The following FOXP1 variants were observed in gnomAD, a reference collection of about 807,000 sequenced individuals.
The protein encoded by FOXP1 is forkhead box protein P1.
In FOXP1, 15 loss-of-function variants were observed where a neutral mutation model predicts 98.2. That is an observed-to-expected ratio of 0.15 (90% CI 0.10 to 0.24). The LOEUF (loss-of-function observed/expected upper bound fraction) is 0.24. Ranked by LOEUF, FOXP1 falls within the 10% of genes least tolerant of loss-of-function variation. FOXP1 has a pLI of 1.00. For missense variants in FOXP1, 633 were observed against 848.5 expected, an observed-to-expected ratio of 0.75 and a Z score of 3.15; for synonymous variants, 371 against 314.5, an observed-to-expected ratio of 1.18 and a Z score of -1.90.
chr3:71,146,864 TGTGC>T lies in FOXP1; in HGVS notation c.181-34231_181-34228del, dbSNP rs1341766801. On this transcript the variant is annotated intron_variant, in intron 6 of 20. Transcript: ENST00000649528. ...GAGACTCCTCCTAGTCCCCAGGGGC[TGTGC>T]CCTCCTCCCGGCTCTGAGCACAGCG... Among the ~76,000 whole-genome samples, 8 of 152,332 alleles carry T rather than the reference TGTGC, an allele frequency of 5.3e-5. No homozygotes were observed. The South Asian group carries it at 1.5e-3, about 28-fold the overall frequency.
chr3:71,523,146 A>T (rs1284823384), intron 2 of FOXP1, among the ~76,000 whole-genome samples: 1 of 152,210 alleles, frequency 6.6e-6, no homozygotes, highest in Admixed American at 6.5e-5. Context: ...AGATGAAGGC[A>T]GAGATCGAGG....
intron 2 of FOXP1, chr3:71,542,223 A>G (rs2044899689): frequency 8.2e-6 from 3 of 367,930 alleles, no homozygotes; most frequent in Non-Finnish European, 1.6e-5. Flanking sequence ...ACCTGCAGGA[A>G]TATTTTCATT....
chr3:71,236,649 G>A (rs758916076), intron 5 of FOXP1, among the ~76,000 whole-genome samples: 1 of 152,106 alleles, frequency 6.6e-6, no homozygotes, highest in East Asian at 1.9e-4. Context: ...GCAGGAGGAC[G>A]GCTTGAGCCC....
intron 3 of FOXP1, among the ~76,000 whole-genome samples, chr3:71,417,478 G>C (rs570377020): frequency 6.6e-6 from 1 of 152,136 alleles, no homozygotes; most frequent in African/African-American, 2.4e-5. Flanking sequence ...CAGATGCTAA[G>C]GATGGCAGAG....
At chr3:70,978,566 G>A (rs772640538) in intron 14 of FOXP1, among the ~76,000 whole-genome samples, 1 of 152,114 alleles carries the variant, frequency 6.6e-6, no homozygotes, top group Non-Finnish European at 1.5e-5. Flanking sequence ...TAAATGGAAA[G>A]AGCCCCATGT....
chr3:71,303,648 T>C (rs1163920702), intron 4 of FOXP1, among the ~76,000 whole-genome samples: 2 of 152,212 alleles, frequency 1.3e-5, no homozygotes, highest in Non-Finnish European at 1.5e-5. Flanking sequence ...TCACTTTATT[T>C]TCTATAGTGA....
At chr3:70,974,724 CA>C (rs2037132409) in intron 17 of FOXP1, among the ~76,000 whole-genome samples, 1 of 152,204 alleles carries the variant, frequency 6.6e-6, no homozygotes, top group African/African-American at 2.4e-5. Context: ...GGGCATGACA[CA>C]TGTAAGAGAT....
rs115592998 is a variant in FOXP1 at position 71,566,237 on chromosome 3, A to T, written c.-298+15312T>A. On this transcript the variant is annotated intron_variant, in intron 2 of 20. Coordinates refer to ENST00000649528, the MANE Select transcript of FOXP1 (RefSeq NM_001349338.3). ...TGTGAGGTCCCTCTTCCCAACCTGC[A>T]AAGCAGCACAGCCAGTTTATTCTCC... Among the ~76,000 whole-genome samples the T allele has an allele frequency of 3.6e-3, 546 of 152,344 alleles. 6 individuals are homozygous for T. The highest frequency in any genetic ancestry group is 0.013 in the African/African-American group (521 of 41,572).
intron 2 of FOXP1, among the ~76,000 whole-genome samples, chr3:71,557,382 A>G (rs1299436194): frequency 6.6e-6 from 1 of 150,738 alleles, no homozygotes; most frequent in Non-Finnish European, 1.5e-5. Context: ...TATTTAAAAA[A>G]AGTAAAAAAA....
intron 12 of FOXP1, among the ~76,000 whole-genome samples, chr3:71,011,702 T>C (rs552803783): frequency 4.9e-4 from 75 of 152,262 alleles, no homozygotes; most frequent in Non-Finnish European, 8.8e-4. Flanking sequence ...AATAAATAAG[T>C]ACCAGGAAAT....
chr3:71,130,032 A>G (rs2107911443), intron 6 of FOXP1, among the ~76,000 whole-genome samples: 1 of 152,342 alleles, frequency 6.6e-6, no homozygotes, highest in Middle Eastern at 3.4e-3. Flanking sequence ...TATTACCAAG[A>G]CCGATTCACA....
At chr3:71,362,846 A>G (rs1314612715) in intron 3 of FOXP1, among the ~76,000 whole-genome samples, 1 of 152,226 alleles carries the variant, frequency 6.6e-6, no homozygotes, top group African/African-American at 2.4e-5. Flanking sequence ...GAACCTTACA[A>G]ACTTTGATCT....
chr3:71,491,018 T>G (rs2091023796), intron 3 of FOXP1, among the ~76,000 whole-genome samples: 1 of 151,630 alleles, frequency 6.6e-6, no homozygotes, highest in Non-Finnish European at 1.5e-5. Context: ...ACTTTTTTTA[T>G]TATTATTATT....
chr3:71,381,374 G>A (rs140160770), intron 3 of FOXP1, among the ~76,000 whole-genome samples: 2,757 of 150,352 alleles, frequency 0.018, 89 homozygotes, highest in African/African-American at 0.064. Context: ...TCCTGACCTC[G>A]TGATCCGCCC....
chr3:71,110,401 T>C (rs2057816035), intron 7 of FOXP1, among the ~76,000 whole-genome samples: 1 of 152,120 alleles, frequency 6.6e-6, no homozygotes, highest in Non-Finnish European at 1.5e-5. Flanking sequence ...TGTGTAAGAT[T>C]TCCCCCCCAA....
chr3:71,568,927 G>A (rs543824800), intron 2 of FOXP1, among the ~76,000 whole-genome samples: 36 of 152,274 alleles, frequency 2.4e-4, no homozygotes, highest in East Asian at 2.3e-3. Flanking sequence ...GATTACAGGC[G>A]TGAGCCACTG....
intron 3 of FOXP1, among the ~76,000 whole-genome samples, chr3:71,479,535 C>T (rs1242429600): frequency 6.6e-6 from 1 of 151,434 alleles, no homozygotes; most frequent in African/African-American, 2.4e-5. Flanking sequence ...AAAAATTAGC[C>T]AGGCGTGGTG....
chr3:70,974,528 G>A (rs1420512843), intron 17 of FOXP1, among the ~76,000 whole-genome samples: 3 of 152,090 alleles, frequency 2.0e-5, no homozygotes, highest in African/African-American at 4.8e-5. Context: ...TGAACTCCTG[G>A]GCTCAAGTGA....
At chr3:71,392,843 G>A (rs2108133984) in intron 3 of FOXP1, among the ~76,000 whole-genome samples, 1 of 152,224 alleles carries the variant, frequency 6.6e-6, no homozygotes, top group East Asian at 1.9e-4. Context: ...CTCTTTCCAA[G>A]AAGAAAGTTA....
Sources: allele counts gnomAD v4.1 joint callset (sites outside exome capture counted in the v4.1 genomes callset), GRCh38; gene constraint gnomAD v4.1.1; transcripts MANE v1.5; gene names NCBI Gene and HGNC (gene_info 2026-07-23, HGNC 2026-07-21).